MYO9A: variants seen among roughly 807,000 people sequenced by gnomAD.
MYO9A encodes unconventional myosin-IXa.
MYO9A carries 103 observed loss-of-function variants against 293.3 expected under a neutral mutation model. The ratio of observed to expected loss-of-function variants is 0.35; its 90% CI spans 0.30 to 0.41. The LOEUF is 0.41. Among genes scored for constraint, MYO9A ranks in the 10% least tolerant of loss-of-function variants. The pLI is 1.00. For missense variants in MYO9A, 2,685 were observed against 3,033.0 expected (o/e 0.89, Z 2.69); for synonymous variants, 1,001 against 1,035.7 (o/e 0.97, Z 0.64).
chr15:72,075,749 AC>A (rs1452943428), intron 1 of MYO9A, among the ~76,000 whole-genome samples: 1 of 151,920 alleles, frequency 6.6e-6, no homozygotes, highest in African/African-American at 2.4e-5. Flanking sequence ...ACATAGCAAG[AC>A]CCCATCTCTA....
In MYO9A at chr15:72,045,421, G is replaced by A. The variant is rs1008301932; in HGVS notation, c.840+303C>T. Reference sequence around the variant, plus strand: ...TAGGATTACAGGCATGCACCACCACGCCTGGCTAATTTTTTTTGTATTTTT... The same window carrying A: ...TAGGATTACAGGCATGCACCACCACACCTGGCTAATTTTTTTTGTATTTTT... On this transcript the variant is annotated intron_variant, in intron 2 of 41. Transcript: ENST00000356056. 4.9e-5 allele frequency: 9 copies of A among 184,974 alleles called. No individual in the cohort carries two copies. The East Asian group carries it at 5.2e-4, about 11-fold the overall frequency. 11.5% of individuals were successfully genotyped at this position (184,974 alleles called of 1,614,324 possible).
chr15:71,858,620 G>A (rs2055967513), intron 34 of MYO9A: 1 of 148,942 alleles, frequency 6.7e-6, no homozygotes, highest in South Asian at 2.1e-4. Flanking sequence ...GATCTCAGAA[G>A]CTAAGCAGGG....
chr15:71,835,550 C>G (rs2054905765), intron 39 of MYO9A, among the ~76,000 whole-genome samples: 1 of 151,710 alleles, frequency 6.6e-6, no homozygotes, highest in Non-Finnish European at 1.5e-5. Flanking sequence ...TATTAAATAC[C>G]TAGTAGTAAT....
intron 18 of MYO9A, among the ~76,000 whole-genome samples, chr15:71,932,534 C>T (rs2058506892): frequency 6.6e-6 from 1 of 151,558 alleles, no homozygotes; most frequent in Non-Finnish European, 1.5e-5. Flanking sequence ...CAGGGTTCTG[C>T]TGTTTCTTTG....
intron 26 of MYO9A, chr15:71,891,533 G>C (rs1026690708): frequency 2.0e-5 from 3 of 152,100 alleles, no homozygotes; most frequent in African/African-American, 7.2e-5. Context: ...GTATTTAACT[G>C]TTAATCAGAT....
intron 6 of MYO9A, among the ~76,000 whole-genome samples, chr15:72,016,224 T>C (rs965725048): frequency 4.6e-5 from 7 of 152,214 alleles, no homozygotes; most frequent in Non-Finnish European, 8.8e-5. Flanking sequence ...GAGATACTTA[T>C]ATATACATTT....
At chr15:71,989,116 A>G (rs1458822707) in intron 11 of MYO9A, among the ~76,000 whole-genome samples, 1 of 152,084 alleles carries the variant, frequency 6.6e-6, no homozygotes, top group Non-Finnish European at 1.5e-5. Context: ...CCTGGTCTCA[A>G]ACTCCTGACC....
intron 39 of MYO9A, among the ~76,000 whole-genome samples, chr15:71,831,892 CAT>C (rs2054743478): frequency 6.6e-6 from 1 of 152,094 alleles, no homozygotes; most frequent in Non-Finnish European, 1.5e-5. Flanking sequence ...GACAGGAAGA[CAT>C]AGCTGAAGTA....
At chr15:71,956,705 A>G (rs1389531620) in intron 14 of MYO9A, among the ~76,000 whole-genome samples, 1 of 150,454 alleles carries the variant, frequency 6.6e-6, no homozygotes, top group Non-Finnish European at 1.5e-5. Flanking sequence ...CACGTAGCAT[A>G]TGTGTGTAGC....
At chr15:72,068,683 G>T (rs2079091859) in intron 1 of MYO9A, among the ~76,000 whole-genome samples, 1 of 151,678 alleles carries the variant, frequency 6.6e-6, no homozygotes, top group African/African-American at 2.4e-5. Context: ...TCCCTATGTT[G>T]CCCAGGCTAG....
chr15:71,914,833 G>A (rs767521471), intron 19 of MYO9A, among the ~76,000 whole-genome samples: 1 of 152,016 alleles, frequency 6.6e-6, no homozygotes, highest in South Asian at 2.1e-4. Flanking sequence ...GACACAATAG[G>A]ATTGTGATTA....
At chr15:72,012,674 TC>T (rs1284566537) in intron 6 of MYO9A, among the ~76,000 whole-genome samples, 13 of 152,154 alleles carry the variant, frequency 8.5e-5, no homozygotes, top group Non-Finnish European at 1.5e-4. Flanking sequence ...TTGCTACTCT[TC>T]CCCCTAGTCT....
At chr15:72,060,665 T>G (rs1168910391) in intron 1 of MYO9A, among the ~76,000 whole-genome samples, 1 of 152,166 alleles carries the variant, frequency 6.6e-6, no homozygotes, top group Non-Finnish European at 1.5e-5. Flanking sequence ...CAGAGAGGAA[T>G]TGTCCATCCC....
intron 13 of MYO9A, among the ~76,000 whole-genome samples, chr15:71,965,902 A>G (rs955685381): frequency 3.3e-5 from 5 of 151,556 alleles, no homozygotes; most frequent in Non-Finnish European, 7.4e-5. Context: ...TTGGAGACAG[A>G]GTCTCACTCT....
chr15:72,027,981 T>C (rs1459337421), intron 3 of MYO9A, among the ~76,000 whole-genome samples, 188 bp from the exon 4 acceptor site: 1 of 151,764 alleles, frequency 6.6e-6, no homozygotes, highest in Non-Finnish European at 1.5e-5. Context: ...GAGGATCACC[T>C]GAGGTCAGGA....
At chr15:71,906,120 A>G (rs1225918359) in intron 19 of MYO9A, among the ~76,000 whole-genome samples, 1 of 152,124 alleles carries the variant, frequency 6.6e-6, no homozygotes, top group Admixed American at 6.5e-5. Context: ...GCTTTTACAT[A>G]TTCTAAATAT....
rs189296975 is a variant in MYO9A at position 72,095,564 on chromosome 15, T to C, written c.-72+22116A>G. ...TATCCAGAAGATCCAGCTAAGATAA[T>C]TGATGAAGGTGGCTACACTAAACAA... On this transcript the variant is annotated intron_variant, in intron 1 of 41. Coordinates refer to ENST00000356056, the MANE Select transcript of MYO9A (RefSeq NM_006901.4). Among the ~76,000 whole-genome samples, 89 of 93,288 alleles carry C rather than the reference T, an allele frequency of 9.5e-4. 10 individuals carry two copies. The highest frequency in any genetic ancestry group is 2.1e-3 in the African/African-American group (81 of 39,286). 61.2% of individuals were successfully genotyped at this position (93,288 alleles called of 152,430 possible).
chr15:72,007,667 AG>A (rs2077055737), intron 8 of MYO9A, among the ~76,000 whole-genome samples, 158 bp downstream of exon 8: 1 of 152,224 alleles, frequency 6.6e-6, no homozygotes, highest in South Asian at 2.1e-4. Flanking sequence ...GGCAGGTATC[AG>A]GAAAAATTAG....
intron 19 of MYO9A, among the ~76,000 whole-genome samples, chr15:71,908,643 C>T (rs773758910): frequency 2.6e-5 from 4 of 152,148 alleles, no homozygotes; most frequent in Non-Finnish European, 5.9e-5. Context: ...TTTAGGTTCA[C>T]AGCAAAAATG....
Sources: allele counts gnomAD v4.1 joint callset (sites outside exome capture counted in the v4.1 genomes callset), GRCh38; gene constraint gnomAD v4.1.1; transcripts MANE v1.5; gene names NCBI Gene and HGNC (gene_info 2026-07-23, HGNC 2026-07-21).